PPARD: variants seen among roughly 807,000 people sequenced by gnomAD.
PPARD encodes peroxisome proliferator-activated receptor delta.
PPARD carries 6 observed loss-of-function variants against 39.5 expected under a neutral mutation model. That is an observed-to-expected ratio of 0.15 (90% CI 0.08 to 0.30). The LOEUF is 0.30. Among genes scored for constraint, PPARD ranks in the 10% least tolerant of loss-of-function variants. PPARD has a pLI of 1.00. For missense variants in PPARD, 397 were observed against 596.8 expected (o/e 0.67, Z 3.49); for synonymous variants, 210 against 231.3 (o/e 0.91, Z 0.83).
rs555883928 is a variant in PPARD, at chr6:35,401,860, A to G, written c.-101-9127A>G. ...ACCAGAAGGGCAGAGGGGCAGGGAC[A>G]GTGTCCACAACCATAGCCCCTGTGG... is the stretch of plus-strand genomic sequence containing the variant. On this transcript the variant is annotated intron_variant, in intron 2 of 7. Coordinates refer to ENST00000360694, the MANE Select transcript of PPARD (RefSeq NM_006238.5). The surrounding 1 kb of genome is among the most constrained non-coding windows in gnomAD (Gnocchi z 4.1). Among the ~76,000 whole-genome samples, 1 of 152,312 alleles carries G rather than the reference A, an allele frequency of 6.6e-6. No homozygotes were observed. The highest frequency in any genetic ancestry group is 2.1e-4 in the South Asian group (1 of 4,820).
chr6:35,386,976 GAAACCTGCTTT>G (rs1004545261), intron 2 of PPARD, among the ~76,000 whole-genome samples: 1 of 149,826 alleles, frequency 6.7e-6, no homozygotes, highest in Non-Finnish European at 1.5e-5. Context: ...GGAGGTGGGG[GAAACCTGCTTT>G]CCCCCACCTC....
At chr6:35,422,616 G>A (rs1323673218) in intron 5 of PPARD, among the ~76,000 whole-genome samples, 1 of 152,164 alleles carries the variant, frequency 6.6e-6, no homozygotes, top group Non-Finnish European at 1.5e-5. Flanking sequence ...CAGGTTAGCT[G>A]CTTGGCCAGC....
chr6:35,353,760 T>C (rs139369382), intron 2 of PPARD, among the ~76,000 whole-genome samples: 1 of 152,130 alleles, frequency 6.6e-6, no homozygotes, highest in African/African-American at 2.4e-5. Context: ...GGAGGTCAGA[T>C]TGGAGCAACT....
chr6:35,347,176 G>T (rs1156753004), intron 2 of PPARD, 26 bp downstream of exon 2: 3 of 1,535,540 alleles, frequency 2.0e-6, no homozygotes, highest in East Asian at 2.4e-5. Context: ...TTACTCAGGG[G>T]TCTCTGACCA....
chr6:35,389,495 A>G (rs903630324), intron 2 of PPARD, among the ~76,000 whole-genome samples: 1 of 152,002 alleles, frequency 6.6e-6, no homozygotes, highest in Non-Finnish European at 1.5e-5. Flanking sequence ...TATTTTTAGT[A>G]GAGACAGGGG....
At chr6:35,381,680 C>T (rs1763163620) in intron 2 of PPARD, among the ~76,000 whole-genome samples, 1 of 152,322 alleles carries the variant, frequency 6.6e-6, no homozygotes, top group South Asian at 2.1e-4. Flanking sequence ...GCTTCTCCTC[C>T]TTGCCTCCAT....
At chr6:35,417,273 G>A (rs1765832342) in intron 3 of PPARD, among the ~76,000 whole-genome samples, 1 of 151,702 alleles carries the variant, frequency 6.6e-6, no homozygotes, top group African/African-American at 2.4e-5. Flanking sequence ...CAAAGTGTTG[G>A]GATCACAGGT....
intron 2 of PPARD, among the ~76,000 whole-genome samples, chr6:35,386,084 T>A (rs1260253729): frequency 6.6e-6 from 1 of 151,614 alleles, no homozygotes; most frequent in Non-Finnish European, 1.5e-5. Context: ...ATTGCAGCAG[T>A]GAGATGGAAG....
At chr6:35,402,785 A>G (rs1035543037) in intron 2 of PPARD, among the ~76,000 whole-genome samples, 4 of 152,202 alleles carry the variant, frequency 2.6e-5, no homozygotes, top group African/African-American at 9.7e-5. Context: ...AGAACACGGC[A>G]GAGTTGCTGG....
chr6:35,370,959 T>C (rs1762452820), intron 2 of PPARD, among the ~76,000 whole-genome samples: 1 of 152,162 alleles, frequency 6.6e-6, no homozygotes, highest in Non-Finnish European at 1.5e-5. Flanking sequence ...GGTTTTCCCA[T>C]CACATTTCCC....
chr6:35,401,173 G>A lies in PPARD; in HGVS notation c.-101-9814G>A, dbSNP rs927736950. ...TGAGGACACAGGTGGGGCAGCCAGAGAGGTACTCAGCTCTGAGTCAGGGCC... is the reference window on the plus strand; with the variant it reads ...TGAGGACACAGGTGGGGCAGCCAGAAAGGTACTCAGCTCTGAGTCAGGGCC... On this transcript the variant is annotated intron_variant, in intron 2 of 7. Coordinates refer to ENST00000360694, the MANE Select transcript of PPARD (RefSeq NM_006238.5). This position sits in a 1 kb window ranked among gnomAD's most constrained non-coding sequence, Gnocchi z 4.1. 8.5e-5 allele frequency among the ~76,000 whole-genome samples: 13 copies of A among 152,154 alleles called. No homozygotes were observed.
intron 2 of PPARD, among the ~76,000 whole-genome samples, chr6:35,349,425 C>T (rs1406503140): frequency 6.6e-6 from 1 of 152,198 alleles, no homozygotes; most frequent in African/African-American, 2.4e-5. Context: ...GAATTATTAT[C>T]TTGGGCTATA....
rs143520506 is a variant in PPARD at position 35,355,273 on chromosome 6, A to G, written c.-102+8123A>G. ...GAGACCAGCCTAGCCATCATGGGGA[A>G]ACCCCATCTATACTAAAAATACAAA... On this transcript the variant is annotated intron_variant, in intron 2 of 7. Coordinates refer to ENST00000360694, the MANE Select transcript of PPARD (RefSeq NM_006238.5). 2.8e-3 allele frequency among the ~76,000 whole-genome samples: 420 copies of G among 152,218 alleles called. 3 individuals carry two copies. Among genetic ancestry groups the G allele is most frequent in the African/African-American group, 9.4e-3 (391 of 41,542 alleles).
At chr6:35,360,020 C>T (rs1290582140) in intron 2 of PPARD, among the ~76,000 whole-genome samples, 1 of 152,126 alleles carries the variant, frequency 6.6e-6, no homozygotes, top group Non-Finnish European at 1.5e-5. Flanking sequence ...CTGCTGTTGG[C>T]TTCAGAAAAT....
At chr6:35,346,011 G>T (rs1169121814) in intron 1 of PPARD, among the ~76,000 whole-genome samples, 1 of 151,950 alleles carries the variant, frequency 6.6e-6, no homozygotes, top group African/African-American at 2.4e-5. Flanking sequence ...TGAGTAGCTG[G>T]GACTACAGGC....
At position 35,424,709 on chromosome 6, in the gene PPARD, C is replaced by G; in HGVS notation, c.1008C>G (p.Val336=). The G allele has an allele frequency of 6.2e-7, 1 of 1,614,268 alleles. No individual in the cohort carries two copies. Among genetic ancestry groups the G allele is most frequent in the Non-Finnish European group, 8.5e-7 (1 of 1,180,054 alleles). The change falls in exon 7 of 8, where the codon GTC becomes GTG. Residue 336 remains valine, a synonymous_variant. Transcript: ENST00000360694. The surrounding 1 kb of genome is among the most constrained non-coding windows in gnomAD (Gnocchi z 7.1). ...DIIEPKFEFA[V]KFNALELDDS... ...TTGAGCCTAAGTTTGAATTTGCTGT[C>G]AAGTTCAACGCCCTGGAACTTGATG... is the stretch of plus-strand genomic sequence containing the variant.
intron 2 of PPARD, among the ~76,000 whole-genome samples, chr6:35,376,887 G>T (rs1165099004): frequency 6.6e-6 from 1 of 152,102 alleles, no homozygotes; most frequent in Non-Finnish European, 1.5e-5. Flanking sequence ...GGGTGAGGTG[G>T]TGGGTGCCTG....
chr6:35,421,263 C>T (rs1286685827), intron 4 of PPARD, among the ~76,000 whole-genome samples: 1 of 146,052 alleles, frequency 6.8e-6, no homozygotes, highest in Non-Finnish European at 1.5e-5. Flanking sequence ...GTGTCCAGCC[C>T]CAACAAAGAA....
intron 2 of PPARD, among the ~76,000 whole-genome samples, chr6:35,372,389 G>C (rs1395185230): frequency 6.6e-6 from 1 of 152,144 alleles, no homozygotes; most frequent in Non-Finnish European, 1.5e-5. Context: ...ATGTTGGCCA[G>C]GTTAGTCTTG....
Sources: gnomAD v4.1 joint callset for allele counts (sites outside exome capture counted in the v4.1 genomes callset) on GRCh38, gnomAD v4.1.1 for gene constraint, Gnocchi (gnomAD v3.1) non-coding constraint, MANE v1.5 for transcripts, NCBI Gene and HGNC (gene_info 2026-07-23, HGNC 2026-07-21) for gene names.